Variants in CABLES1 observed in about 807,000 individuals in gnomAD.
The protein encoded by CABLES1 is CDK5 and ABL1 enzyme substrate 1.
CABLES1 carries 36 observed loss-of-function variants against 57.8 expected under a neutral mutation model. The observed-to-expected ratio is 0.62, with a 90% CI of 0.48 to 0.82. The LOEUF is 0.82. CABLES1 is among the 40% of genes least tolerant of loss of function. CABLES1 has a pLI of 0.00. For synonymous variants in CABLES1, 374 were observed against 363.0 expected (o/e 1.03, Z -0.35); for missense variants, 767 against 836.6 (o/e 0.92, Z 1.03).
chr18:23,150,211 T>TA (rs1598799386), intron 1 of CABLES1, among the ~76,000 whole-genome samples: 1 of 141,924 alleles, frequency 7.0e-6, no homozygotes, highest in African/African-American at 2.7e-5. Context: ...GTGTTTGTTT[T>TA]TTTTTTTTTT....
intron 4 of CABLES1, among the ~76,000 whole-genome samples, chr18:23,232,640 T>G (rs981577362): frequency 3.3e-5 from 5 of 152,190 alleles, no homozygotes; most frequent in African/African-American, 1.2e-4. Flanking sequence ...TTGTTGGCTT[T>G]CTTCTGCATG....
chr18:23,241,455 C>A (rs138907013), intron 7 of CABLES1, among the ~76,000 whole-genome samples: 1 of 150,404 alleles, frequency 6.6e-6, no homozygotes, highest in Non-Finnish European at 1.5e-5. Flanking sequence ...CGCTTAAACC[C>A]GGGAGGTGGA....
intron 2 of CABLES1, among the ~76,000 whole-genome samples, chr18:23,193,574 G>A (rs1332914575): frequency 6.6e-6 from 1 of 152,202 alleles, no homozygotes; most frequent in Non-Finnish European, 1.5e-5. Context: ...GCCTAGGTCA[G>A]AAAGGTTTTT....
chr18:23,150,452 G>A (rs1030459743), intron 1 of CABLES1, among the ~76,000 whole-genome samples: 2 of 151,976 alleles, frequency 1.3e-5, no homozygotes, highest in African/African-American at 2.4e-5. Flanking sequence ...TCCTGACCTC[G>A]TGATCCGCCC....
intron 4 of CABLES1, among the ~76,000 whole-genome samples, chr18:23,223,475 G>A (rs1478402921): frequency 2.0e-5 from 3 of 151,798 alleles, no homozygotes; most frequent in African/African-American, 7.3e-5. Flanking sequence ...CTACTCGGGA[G>A]GCTGAGGCAG....
chr18:23,171,733 C>T (rs1450616016), intron 1 of CABLES1, among the ~76,000 whole-genome samples: 1 of 152,198 alleles, frequency 6.6e-6, no homozygotes, highest in Admixed American at 6.5e-5. Flanking sequence ...CACAGCTGCT[C>T]ATAGGTCACT....
chr18:23,210,515 A>G (rs1243637941), intron 3 of CABLES1, among the ~76,000 whole-genome samples: 2 of 152,234 alleles, frequency 1.3e-5, no homozygotes, highest in Non-Finnish European at 2.9e-5. Context: ...CTTCTTGTGT[A>G]TCTCCATTAC....
chr18:23,217,491 G>A (rs1006028188), intron 4 of CABLES1, among the ~76,000 whole-genome samples: 2 of 152,158 alleles, frequency 1.3e-5, no homozygotes, highest in African/African-American at 2.4e-5. Flanking sequence ...ACTCACCCAA[G>A]AAACACTGAG....
intron 3 of CABLES1, among the ~76,000 whole-genome samples, chr18:23,210,595 A>G (rs1568069168): frequency 6.6e-6 from 1 of 152,228 alleles, no homozygotes; most frequent in South Asian, 2.1e-4. Flanking sequence ...GGTTCTAAAC[A>G]TAACGGTTGA....
intron 1 of CABLES1, among the ~76,000 whole-genome samples, chr18:23,168,589 A>G (rs990950977): frequency 6.6e-6 from 1 of 152,120 alleles, no homozygotes; most frequent in Non-Finnish European, 1.5e-5. Context: ...TAAGTTGTAT[A>G]CTCTTAAAAT....
chr18:23,148,310 C>T (rs777010243), intron 1 of CABLES1, among the ~76,000 whole-genome samples: 34 of 152,212 alleles, frequency 2.2e-4, no homozygotes, highest in South Asian at 1.7e-3. Context: ...CATTTCTAAG[C>T]AGGATACCCT....
chr18:23,180,612 G>A (rs928219188), intron 1 of CABLES1, among the ~76,000 whole-genome samples: 2 of 152,050 alleles, frequency 1.3e-5, no homozygotes, highest in African/African-American at 4.8e-5. Flanking sequence ...GACTTCCTGT[G>A]TTCAAGCGTG....
rs749450484 is a variant in CABLES1, at chr18:23,257,319, C to T, written c.1854C>T (p.Pro618=). 117 of 1,613,814 alleles carry T rather than the reference C, an allele frequency of 7.2e-5. No homozygotes were observed. Among genetic ancestry groups the T allele is most frequent in the Non-Finnish European group, 9.5e-5 (112 of 1,179,968 alleles). Residue 618 remains proline, a synonymous_variant, in exon 10 of 10, where the codon CCC becomes CCT. Coordinates refer to ENST00000256925, the MANE Select transcript of CABLES1 (RefSeq NM_001100619.3). ...CCTTGGAATTCGCCCTCCACTTGCC[C>T]GAGCACGAAGTCATGCCCCACTACA... ...LVALEFALHL[P]EHEVMPHYRR...
At chr18:23,237,386 A>C (rs2047629308) in intron 7 of CABLES1, 141 bp downstream of exon 7, 2 of 677,042 alleles carry the variant, frequency 3.0e-6, no homozygotes, top group East Asian at 5.4e-5. Flanking sequence ...TGCCCACGGA[A>C]GGACCAGTAT....
chr18:23,191,423 C>T (rs879539932), intron 2 of CABLES1, among the ~76,000 whole-genome samples: 2 of 152,136 alleles, frequency 1.3e-5, no homozygotes, highest in Non-Finnish European at 2.9e-5. Flanking sequence ...GACTTAGTGT[C>T]TCTGGGGCCT....
At chr18:23,183,008 G>A (rs1027692782) in intron 1 of CABLES1, among the ~76,000 whole-genome samples, 8 of 152,214 alleles carry the variant, frequency 5.3e-5, no homozygotes, top group African/African-American at 1.7e-4. Context: ...CTCACTTTCC[G>A]GGGTCCTCAG....
chr18:23,203,468 AAAAAG>A (rs1342510187), intron 3 of CABLES1, among the ~76,000 whole-genome samples: 106 of 152,198 alleles, frequency 7.0e-4, no homozygotes, highest in African/African-American at 2.5e-3. Context: ...TAAAAAAAAA[AAAAAG>A]AAAGAAACAC....
chr18:23,194,680 C>T (rs1004004850), intron 3 of CABLES1, 140 bp downstream of exon 3: 20 of 614,210 alleles, frequency 3.3e-5, no homozygotes, highest in East Asian at 1.9e-4. Context: ...GAACCTTCCC[C>T]GACAATTTCC....
intron 4 of CABLES1, among the ~76,000 whole-genome samples, chr18:23,223,754 C>T (rs1427158122): frequency 1.3e-5 from 2 of 152,056 alleles, no homozygotes; most frequent in African/African-American, 2.4e-5. Flanking sequence ...ACACAATCTA[C>T]TCCTTATTGC....
Sources: gnomAD v4.1 joint callset for allele counts (sites outside exome capture counted in the v4.1 genomes callset) on GRCh38, gnomAD v4.1.1 for gene constraint, MANE v1.5 for transcripts, NCBI Gene and HGNC (gene_info 2026-07-23, HGNC 2026-07-21) for gene names.